GRIK1: variants seen among roughly 807,000 people sequenced by gnomAD.
GRIK1 encodes the protein glutamate ionotropic receptor kainate type subunit 1, also known as glutamate receptor ionotropic, kainate 1.
In GRIK1, 69 loss-of-function variants were observed where a neutral mutation model predicts 105.7. The ratio of observed to expected loss-of-function variants is 0.65; its 90% CI spans 0.54 to 0.80. The LOEUF (loss-of-function observed/expected upper bound fraction) is 0.80, where lower values mean the gene tolerates loss of function less well. GRIK1 is among the 30% of genes least tolerant of loss of function. The pLI is 0.00. For missense variants in GRIK1, 1,109 were observed against 1,167.3 expected, an observed-to-expected ratio of 0.95 and a Z score of 0.73; for synonymous variants, 438 against 431.3, an observed-to-expected ratio of 1.02 and a Z score of -0.19.
intron 1 of GRIK1, among the ~76,000 whole-genome samples, chr21:29,815,376 G>T (rs929109296): frequency 2.6e-5 from 4 of 152,112 alleles, no homozygotes; most frequent in African/African-American, 9.7e-5. Flanking sequence ...TCAAATAAGG[G>T]GTAAGCCCCC....
At chr21:29,907,545 G>T (rs1479594957) in intron 1 of GRIK1, among the ~76,000 whole-genome samples, 2 of 152,108 alleles carry the variant, frequency 1.3e-5, no homozygotes, top group Non-Finnish European at 2.9e-5. Context: ...AAAGAGAAAT[G>T]ATTGAGAAGA....
chr21:29,774,259 C>T (rs148375609), intron 1 of GRIK1, among the ~76,000 whole-genome samples: 47 of 152,286 alleles, frequency 3.1e-4, no homozygotes, highest in African/African-American at 1.0e-3. Flanking sequence ...TTTCACTAAC[C>T]ATATGAATAC....
At chr21:29,799,585 A>G (rs2066648894) in intron 1 of GRIK1, among the ~76,000 whole-genome samples, 1 of 152,226 alleles carries the variant, frequency 6.6e-6, no homozygotes, top group Admixed American at 6.5e-5. Flanking sequence ...GCTGGAGTGC[A>G]GTGGCACAAT....
chr21:29,888,724 C>A (rs1232717288), intron 1 of GRIK1, among the ~76,000 whole-genome samples: 3 of 152,180 alleles, frequency 2.0e-5, no homozygotes, highest in Non-Finnish European at 4.4e-5. Flanking sequence ...AGCCTGAAGC[C>A]TTTTTATACA....
chr21:29,920,390 T>C (rs570126255), intron 1 of GRIK1, among the ~76,000 whole-genome samples: 2 of 152,214 alleles, frequency 1.3e-5, no homozygotes, highest in Admixed American at 6.5e-5. Context: ...GCATATGCTG[T>C]TCCCCTAGTT....
At chr21:29,866,079 T>C (rs1286919800) in intron 1 of GRIK1, among the ~76,000 whole-genome samples, 1 of 151,936 alleles carries the variant, frequency 6.6e-6, no homozygotes, top group Non-Finnish European at 1.5e-5. Context: ...TTTTTTTTTT[T>C]CTTTTAAGAT....
At chr21:29,673,982 A>G (rs947317398) in intron 3 of GRIK1, among the ~76,000 whole-genome samples, 3 of 152,018 alleles carry the variant, frequency 2.0e-5, no homozygotes, top group African/African-American at 7.2e-5. Context: ...GCTCCCTCTT[A>G]TGTTCCCTAA....
chr21:29,608,217 C>T (rs928667006), intron 7 of GRIK1, among the ~76,000 whole-genome samples: 2 of 151,990 alleles, frequency 1.3e-5, no homozygotes, highest in South Asian at 4.2e-4. Flanking sequence ...ATGTATGTGT[C>T]TCTAGGGGGT....
chr21:29,620,790 T>TAGATAG (rs1555851166), intron 7 of GRIK1, among the ~76,000 whole-genome samples: 15 of 113,582 alleles, frequency 1.3e-4, no homozygotes, highest in African/African-American at 7.1e-4. Context: ...TAGATATATA[T>TAGATAG]ATCTATATAT....
chr21:29,539,891 C>T (rs959227494), intron 16 of GRIK1, among the ~76,000 whole-genome samples: 8 of 151,702 alleles, frequency 5.3e-5, no homozygotes, highest in African/African-American at 1.9e-4. Flanking sequence ...CTGCCCAAAC[C>T]AAGAGCTTTC....
chr21:29,929,815 G>A (rs2071505980), intron 1 of GRIK1, among the ~76,000 whole-genome samples: 1 of 152,110 alleles, frequency 6.6e-6, no homozygotes. Context: ...CACACTTCTA[G>A]GTATATATCC....
At chr21:29,812,394 A>G (rs1486756328) in intron 1 of GRIK1, among the ~76,000 whole-genome samples, 1 of 152,198 alleles carries the variant, frequency 6.6e-6, no homozygotes, top group African/African-American at 2.4e-5. Flanking sequence ...ATGAACATAA[A>G]TGAATGGCAG....
chr21:29,867,958 AAATG>A (rs1256383805), intron 1 of GRIK1, among the ~76,000 whole-genome samples: 2 of 146,946 alleles, frequency 1.4e-5, no homozygotes, highest in African/African-American at 2.5e-5. Context: ...AAGAGAGAGA[AAATG>A]AGAGAGAAAA....
At position 29,939,441 on chromosome 21, in the gene GRIK1, T is replaced by C. The variant is rs1336355885; in HGVS notation, c.60A>G (p.Ala20=). 2 of 1,596,664 alleles carry C rather than the reference T, an allele frequency of 1.3e-6. No individual in the cohort carries two copies. The highest frequency in any genetic ancestry group is 2.3e-5 in the East Asian group (1 of 43,220). The part of the protein sequence containing the change: ...PGLWTRDTSW[A]LLYFLCYILP... ...GGATATAGCAGAGGAAATAGAGGAG[T>C]GCCCAGCTGGTGTCCCTGGTCCAGA... is the stretch of plus-strand genomic sequence containing the variant. Residue 20 remains alanine (A), a synonymous_variant, in exon 1 of 18, where the codon GCA becomes GCG. Coordinates refer to ENST00000327783, the MANE Select transcript of GRIK1 (RefSeq NM_001330994.2).
chr21:29,550,590 A>G (rs1462097042), intron 16 of GRIK1, among the ~76,000 whole-genome samples: 1 of 152,204 alleles, frequency 6.6e-6, no homozygotes, highest in African/African-American at 2.4e-5. Flanking sequence ...AGATCTTCAC[A>G]TATTACCAGT....
chr21:29,829,856 C>T (rs1431330834), intron 1 of GRIK1, among the ~76,000 whole-genome samples: 1 of 152,106 alleles, frequency 6.6e-6, no homozygotes, highest in Non-Finnish European at 1.5e-5. Flanking sequence ...GAAACATTTT[C>T]ACAGAGAAGA....
intron 1 of GRIK1, among the ~76,000 whole-genome samples, chr21:29,701,727 A>T (rs2063816369): frequency 6.6e-6 from 1 of 152,220 alleles, no homozygotes; most frequent in South Asian, 2.1e-4. Flanking sequence ...GAGATGTTGC[A>T]ATAACACTCT....
intron 16 of GRIK1, among the ~76,000 whole-genome samples, chr21:29,541,363 A>G (rs1178868614): frequency 3.3e-5 from 5 of 152,160 alleles, no homozygotes; most frequent in African/African-American, 9.7e-5. Context: ...ACACCGGGCA[A>G]GGTATTTATT....
intron 15 of GRIK1, among the ~76,000 whole-genome samples, chr21:29,555,744 G>C (rs1312580333): frequency 6.6e-6 from 1 of 152,172 alleles, no homozygotes; most frequent in South Asian, 2.1e-4. Flanking sequence ...CGGAATGGGA[G>C]GTCAGACAGA....
Sources: allele counts gnomAD v4.1 joint callset (sites outside exome capture counted in the v4.1 genomes callset), GRCh38; gene constraint gnomAD v4.1.1; transcripts MANE v1.5; gene names NCBI Gene and HGNC (gene_info 2026-07-23, HGNC 2026-07-21).